Variants in DNAH3 observed in about 807,000 individuals in gnomAD.
DNAH3 encodes the protein dynein axonemal heavy chain 3.
DNAH3 carries 332 observed loss-of-function variants against 432.5 expected under a neutral mutation model. The observed-to-expected ratio is 0.77, with a 90% confidence interval of 0.70 to 0.84. The LOEUF (loss-of-function observed/expected upper bound fraction) is 0.84. Among genes scored for constraint, DNAH3 ranks in the 40% least tolerant of loss-of-function variants. DNAH3 has a pLI of 0.00. For synonymous variants in DNAH3, 1,956 were observed against 1,900.2 expected (o/e 1.03, Z -0.76); for missense variants, 4,861 against 5,114.0 (o/e 0.95, Z 1.51).
chr16:21,106,046 G>A (rs2091937577), intron 15 of DNAH3, among the ~76,000 whole-genome samples: 1 of 151,976 alleles, frequency 6.6e-6, no homozygotes, highest in Admixed American at 6.6e-5. Context: ...TGGGCATGGT[G>A]GCACGTGCCT....
intron 41 of DNAH3, among the ~76,000 whole-genome samples, chr16:21,012,178 C>A (rs1193430423): frequency 1.3e-5 from 2 of 152,050 alleles, no homozygotes; most frequent in Non-Finnish European, 2.9e-5. Flanking sequence ...TGGCTGATAT[C>A]AAAATGAAAA....
chr16:20,987,899 G>T (rs976909867), intron 45 of DNAH3, 43 bp downstream of exon 45: 1 of 1,613,832 alleles, frequency 6.2e-7, no homozygotes, highest in African/African-American at 1.3e-5. Flanking sequence ...CAGAAACTGA[G>T]AACCCCCAGC....
intron 27 of DNAH3, among the ~76,000 whole-genome samples, chr16:21,056,125 T>TC (rs892283792): frequency 2.2e-4 from 33 of 151,578 alleles, no homozygotes; most frequent in African/African-American, 8.1e-4. Flanking sequence ...TCTCCCCACA[T>TC]CTCTCCTACC....
intron 7 of DNAH3, 55 bp downstream of exon 8, chr16:21,134,204 T>C (rs1384831239): frequency 1.9e-5 from 30 of 1,547,526 alleles, no homozygotes; most frequent in East Asian, 6.8e-5. Flanking sequence ...TAGGCTTGCT[T>C]ACACGTGGAT....
At chr16:21,117,107 G>A in intron 12 of DNAH3, 96 bp downstream of exon 12, 4 of 757,128 alleles carry the variant, frequency 5.3e-6, no homozygotes. Flanking sequence ...ATGTGTTCAG[G>A]TGTTTGGGAA....
intron 1 of DNAH3, among the ~76,000 whole-genome samples, chr16:21,154,949 TTC>T (rs1648212959): frequency 1.4e-5 from 2 of 143,360 alleles, no homozygotes; most frequent in South Asian, 2.3e-4. Context: ...TTTTCTTTCT[TTC>T]TTTTTTTTTT....
intron 4 of DNAH3, 103 bp downstream of exon 5, chr16:21,141,197 G>T: frequency 1.2e-6 from 1 of 838,754 alleles, no homozygotes; most frequent in Non-Finnish European, 1.9e-6. Context: ...TGATTATCTG[G>T]GAATGCTTTG....
chr16:20,974,868 G>A lies in DNAH3; in HGVS notation c.8259+365C>T, dbSNP rs576642291. Among the ~76,000 whole-genome samples, 31 of 151,716 alleles carry A rather than the reference G, an allele frequency of 2.0e-4. No individual in the cohort carries two copies. The South Asian group carries it at 3.6e-3, about 17-fold the overall frequency. ...AGTTTCACTCTTGCCGCCCAGGCTGGAGTGCAGTGGTGCAATCTCAGCTCA... is the reference window on the plus strand; with the variant it reads ...AGTTTCACTCTTGCCGCCCAGGCTGAAGTGCAGTGGTGCAATCTCAGCTCA... On this transcript the variant is annotated intron_variant, in intron 51 of 61. Transcript: ENST00000261383.
At chr16:21,073,961 A>G (rs1365133227) in intron 21 of DNAH3, among the ~76,000 whole-genome samples, 1 of 152,202 alleles carries the variant, frequency 6.6e-6, no homozygotes, top group African/African-American at 2.4e-5. Context: ...TCCATTCTTC[A>G]TCAAACCTAA....
At chr16:21,076,659 A>T (rs1304244763) in intron 20 of DNAH3, among the ~76,000 whole-genome samples, 1 of 152,176 alleles carries the variant, frequency 6.6e-6, no homozygotes, top group Non-Finnish European at 1.5e-5. Context: ...AGAATAAGGA[A>T]GTTCCCTCTG....
chr16:21,047,987 C>T (rs1226416260), intron 31 of DNAH3, among the ~76,000 whole-genome samples: 1 of 152,040 alleles, frequency 6.6e-6, no homozygotes, highest in African/African-American at 2.4e-5. Flanking sequence ...TTAGGCTGCT[C>T]GGGGGTCAGG....
chr16:21,022,156 A>G, intron 39 of DNAH3, 56 bp from the exon 40 acceptor site: 1 of 1,596,092 alleles, frequency 6.3e-7, no homozygotes, highest in Non-Finnish European at 8.6e-7. Flanking sequence ...TGAGTTGACG[A>G]CCAAGAGCTT....
At chr16:21,146,325 G>C (rs2092782967) in intron 1 of DNAH3, among the ~76,000 whole-genome samples, 1 of 152,140 alleles carries the variant, frequency 6.6e-6, no homozygotes, top group South Asian at 2.1e-4. Flanking sequence ...AGAGGCCAGG[G>C]AGGGTGGATC....
At chr16:20,967,059 A>C (rs2085096906) in intron 52 of DNAH3, among the ~76,000 whole-genome samples, 1 of 151,992 alleles carries the variant, frequency 6.6e-6, no homozygotes, top group African/African-American at 2.4e-5. Context: ...CTCATCAAAA[A>C]AGTTATACTC....
At chr16:21,038,213 G>A (rs190320530) in intron 33 of DNAH3, among the ~76,000 whole-genome samples, 130 of 152,258 alleles carry the variant, frequency 8.5e-4, no homozygotes, top group Middle Eastern at 6.8e-3. Context: ...GAAATGATAC[G>A]TTTTTGGCCA....
intron 18 of DNAH3, among the ~76,000 whole-genome samples, chr16:21,094,402 G>A (rs112892920): frequency 0.072 from 10,891 of 152,194 alleles, 581 homozygotes; most frequent in East Asian, 0.18. Context: ...CAAGCACAGT[G>A]GCTCACACCT....
At chr16:20,942,754 T>A (rs1277610856) in intron 58 of DNAH3, among the ~76,000 whole-genome samples, 1 of 152,126 alleles carries the variant, frequency 6.6e-6, no homozygotes, top group Non-Finnish European at 1.5e-5. Context: ...TCTTCATTTG[T>A]AGACTTAGGA....
exon 18 of DNAH3, chr16:21,097,359 C>G (rs747881055): frequency 3.5e-5 from 57 of 1,613,566 alleles, no homozygotes; most frequent in Non-Finnish European, 4.7e-5. Context: ...ACATACCATT[C>G]ATCCATTCCT....
intron 59 of DNAH3, 114 bp from the exon 60 acceptor site, chr16:20,936,967 T>C: frequency 1.2e-6 from 1 of 804,426 alleles, no homozygotes; most frequent in African/African-American, 1.7e-5. Flanking sequence ...AGTCATTAAA[T>C]GAGGAAAAAT....
Sources: allele counts gnomAD v4.1 joint callset (sites outside exome capture counted in the v4.1 genomes callset), GRCh38; gene constraint gnomAD v4.1.1; transcripts MANE v1.5; gene names NCBI Gene and HGNC (gene_info 2026-07-23, HGNC 2026-07-21).